The following GNAQ variants were observed in gnomAD, a reference collection of about 807,000 sequenced individuals.
GNAQ encodes guanine nucleotide-binding protein G(q) subunit alpha.
In GNAQ, 8 loss-of-function variants were observed where a neutral mutation model predicts 43.9. That is an observed-to-expected ratio of 0.18 (90% CI 0.11 to 0.33). GNAQ has a LOEUF of 0.33. Ranked by LOEUF, GNAQ falls within the 10% of genes least tolerant of loss-of-function variation. The probability of loss-of-function intolerance (pLI) is 1.00; values close to 1 mark genes in which losing one functional copy is unlikely to be tolerated. For synonymous variants in GNAQ, 155 were observed against 170.7 expected (o/e 0.91, Z 0.71); for missense variants, 158 against 450.8 (o/e 0.35, Z 5.88).
At chr9:77,920,783 C>A (rs1828985065) in intron 2 of GNAQ, among the ~76,000 whole-genome samples, 1 of 152,072 alleles carries the variant, frequency 6.6e-6, no homozygotes. Context: ...CACCGGAAAA[C>A]CAGGTATGAA....
At chr9:77,819,902 A>G (rs1827085124) in intron 2 of GNAQ, among the ~76,000 whole-genome samples, 1 of 151,936 alleles carries the variant, frequency 6.6e-6, no homozygotes, top group Non-Finnish European at 1.5e-5. Flanking sequence ...TCCACCCAGT[A>G]CTAGCTGACT....
rs1825243402 is a variant in GNAQ at position 77,717,508 on chromosome 9, A to G, written c.*3815T>C. 2 of 232,370 alleles carry G rather than the reference A, an allele frequency of 8.6e-6. No homozygotes were observed. The highest frequency in any genetic ancestry group is 1.7e-5 in the Non-Finnish European group (2 of 117,614). 14.4% of individuals were successfully genotyped at this position (232,370 alleles called of 1,614,324 possible). ...TTTCATTATACAGCCCTTTCTTCCC[A>G]TTATTTATTTTTTTGCAAATAAGTC... is the stretch of plus-strand genomic sequence containing the variant. On this transcript the variant is annotated 3_prime_UTR_variant, in exon 7 of 7. Coordinates refer to ENST00000286548, the MANE Select transcript of GNAQ (RefSeq NM_002072.5).
chr9:77,772,199 A>G (rs1015011350), intron 5 of GNAQ, among the ~76,000 whole-genome samples: 1 of 152,244 alleles, frequency 6.6e-6, no homozygotes, highest in African/African-American at 2.4e-5. Context: ...CGAAAGTTTC[A>G]TGAAACAATA....
At chr9:77,826,602 A>G (rs1827201845) in intron 2 of GNAQ, among the ~76,000 whole-genome samples, 1 of 152,208 alleles carries the variant, frequency 6.6e-6, no homozygotes, top group Non-Finnish European at 1.5e-5. Context: ...GGGTGGTCAT[A>G]TGCACAGTGT....
At chr9:78,003,215 C>G (rs1030704560) in intron 1 of GNAQ, among the ~76,000 whole-genome samples, 1 of 152,070 alleles carries the variant, frequency 6.6e-6, no homozygotes, top group Non-Finnish European at 1.5e-5. Flanking sequence ...AAAGAAAGAA[C>G]AGAAATCCCT....
chr9:77,843,205 C>G (rs1421556084), intron 2 of GNAQ, among the ~76,000 whole-genome samples: 1 of 152,160 alleles, frequency 6.6e-6, no homozygotes, highest in African/African-American at 2.4e-5. Flanking sequence ...GATCACCTCC[C>G]TGCTCCTCCC....
In GNAQ at chr9:77,815,602, G is replaced by A; in HGVS notation, c.476+14C>T. On this transcript the variant is annotated intron_variant, in intron 3 of 6. Transcript: ENST00000286548. Reference sequence around the variant, plus strand: ...AAGAGAAAAATCCATAGGGCCACCTGGAAAGATACTCACTATTTGGTAGAG... The same window carrying A: ...AAGAGAAAAATCCATAGGGCCACCTAGAAAGATACTCACTATTTGGTAGAG... 6.4e-7 allele frequency: 1 copy of A among 1,573,898 alleles called. No homozygotes were observed. The highest frequency in any genetic ancestry group is 1.1e-5 in the South Asian group (1 of 87,920).
intron 3 of GNAQ, among the ~76,000 whole-genome samples, chr9:77,809,639 T>G (rs370229632): frequency 8.5e-5 from 13 of 152,166 alleles, no homozygotes; most frequent in East Asian, 3.9e-4. Flanking sequence ...TTGGAAGAAT[T>G]CACCAAATTA....
At chr9:77,976,878 C>G (rs1823309441) in intron 1 of GNAQ, among the ~76,000 whole-genome samples, 2 of 152,190 alleles carry the variant, frequency 1.3e-5, no homozygotes, top group Admixed American at 6.5e-5. Context: ...CTTCAATGAG[C>G]CATAAGGTTT....
intron 5 of GNAQ, among the ~76,000 whole-genome samples, chr9:77,765,788 T>C (rs925409628): frequency 2.0e-5 from 3 of 152,172 alleles, no homozygotes; most frequent in Admixed American, 6.5e-5. Flanking sequence ...AAGTAGGAAT[T>C]TGAGTAGCAC....
intron 5 of GNAQ, among the ~76,000 whole-genome samples, chr9:77,780,761 T>C (rs1331204935): frequency 6.6e-6 from 1 of 152,070 alleles, no homozygotes; most frequent in African/African-American, 2.4e-5. Context: ...TTCCACATCC[T>C]CACCAGCATT....
intron 3 of GNAQ, among the ~76,000 whole-genome samples, chr9:77,810,258 CTA>C (rs1231601079): frequency 1.3e-5 from 2 of 151,808 alleles, no homozygotes; most frequent in African/African-American, 4.8e-5. Flanking sequence ...ATCTATCTAT[CTA>C]TCTATCTGTC....
intron 5 of GNAQ, among the ~76,000 whole-genome samples, chr9:77,748,411 G>T (rs1264366732): frequency 6.6e-6 from 1 of 152,198 alleles, no homozygotes; most frequent in Non-Finnish European, 1.5e-5. Flanking sequence ...GCTGTTCCCA[G>T]CACTCACTCC....
At position 77,963,911 on chromosome 9, in the gene GNAQ, A is replaced by T. The variant is rs576748124; in HGVS notation, c.137-41566T>A. On this transcript the variant is annotated intron_variant, in intron 1 of 6. Transcript: ENST00000286548. Reference sequence around the variant, plus strand: ...GTTTTCTAATCTTAAAAAAAAATTTAAAAGGCACCCATTTTTCTACAGTTA... The same window carrying T: ...GTTTTCTAATCTTAAAAAAAAATTTTAAAGGCACCCATTTTTCTACAGTTA... Among the ~76,000 whole-genome samples the T allele has an allele frequency of 3.5e-4, 53 of 152,302 alleles. No homozygotes were observed. The South Asian group carries it at 3.7e-3, about 11-fold the overall frequency.
At chr9:77,957,732 A>G (rs971845200) in intron 1 of GNAQ, among the ~76,000 whole-genome samples, 8 of 152,200 alleles carry the variant, frequency 5.3e-5, no homozygotes, top group African/African-American at 1.9e-4. Context: ...CACTAGCATC[A>G]TAGGATGAAG....
chr9:77,868,637 A>G (rs2118017916), intron 2 of GNAQ, among the ~76,000 whole-genome samples: 1 of 152,218 alleles, frequency 6.6e-6, no homozygotes, highest in South Asian at 2.1e-4. Flanking sequence ...CTCTACTAAA[A>G]ATACAAAAAT....
chr9:77,818,380 T>C (rs1441428746), intron 2 of GNAQ, among the ~76,000 whole-genome samples: 1 of 151,396 alleles, frequency 6.6e-6, no homozygotes, highest in African/African-American at 2.4e-5. Context: ...TTACAAAATA[T>C]ATACAGATTT....
chr9:77,872,443 T>C (rs1187361602), intron 2 of GNAQ, among the ~76,000 whole-genome samples: 1 of 152,186 alleles, frequency 6.6e-6, no homozygotes, highest in Non-Finnish European at 1.5e-5. Context: ...GGGAACACAA[T>C]GTGTAAACTG....
intron 5 of GNAQ, among the ~76,000 whole-genome samples, chr9:77,785,909 A>C (rs1298120798): frequency 6.6e-6 from 1 of 152,180 alleles, no homozygotes; most frequent in Non-Finnish European, 1.5e-5. Flanking sequence ...AAAGAACTAG[A>C]TGGACAGATT....
Sources: gnomAD v4.1 joint callset for allele counts (sites outside exome capture counted in the v4.1 genomes callset) on GRCh38, gnomAD v4.1.1 for gene constraint, MANE v1.5 for transcripts, NCBI Gene and HGNC (gene_info 2026-07-23, HGNC 2026-07-21) for gene names.